DLG2: variants seen among roughly 807,000 people sequenced by gnomAD.
The protein encoded by DLG2 is disks large homolog 2.
Under a neutral mutation model 132.5 loss-of-function variants are expected in DLG2, and 45 were observed. The ratio of observed to expected loss-of-function variants is 0.34; its 90% CI spans 0.27 to 0.44. The LOEUF (loss-of-function observed/expected upper bound fraction) is 0.44, where lower values mean the gene tolerates loss of function less well. DLG2 is among the 20% of genes least tolerant of loss of function. DLG2 has a pLI of 1.00. For synonymous variants in DLG2, 424 were observed against 419.6 expected, an observed-to-expected ratio of 1.01 and a Z score of -0.13; for missense variants, 1,045 against 1,196.9, an observed-to-expected ratio of 0.87 and a Z score of 1.87.
intron 3 of DLG2, among the ~76,000 whole-genome samples, chr11:85,399,219 C>A (rs1474690300): frequency 6.6e-6 from 1 of 151,930 alleles, no homozygotes; most frequent in Non-Finnish European, 1.5e-5. Context: ...AATCCAACTT[C>A]CAGGGGATAT....
chr11:84,150,305 A>T (rs1316369998), intron 9 of DLG2, among the ~76,000 whole-genome samples: 2 of 151,932 alleles, frequency 1.3e-5, no homozygotes, highest in Non-Finnish European at 2.9e-5. Context: ...AGGTTTTTAA[A>T]TCTTTTTGTG....
At chr11:85,498,746 C>A (rs1483358026) in intron 3 of DLG2, among the ~76,000 whole-genome samples, 1 of 152,198 alleles carries the variant, frequency 6.6e-6, no homozygotes, top group African/African-American at 2.4e-5. Flanking sequence ...GACCACAGTG[C>A]AATCAAATTA....
At chr11:85,522,689 C>G (rs7127991) in intron 3 of DLG2, among the ~76,000 whole-genome samples, 1 of 152,008 alleles carries the variant, frequency 6.6e-6, no homozygotes, top group Admixed American at 6.5e-5. Context: ...AAGGAGATCA[C>G]TGTGGAACTT....
chr11:83,685,912 C>G (rs1019982895), intron 18 of DLG2, among the ~76,000 whole-genome samples: 8 of 152,086 alleles, frequency 5.3e-5, no homozygotes, highest in African/African-American at 1.9e-4. Flanking sequence ...TGGCCAAAAA[C>G]CTGGGAGTCA....
At chr11:83,551,885 T>C (rs952275548) in intron 19 of DLG2, among the ~76,000 whole-genome samples, 1 of 152,236 alleles carries the variant, frequency 6.6e-6, no homozygotes, top group African/African-American at 2.4e-5. Flanking sequence ...CTATAGTTTG[T>C]TGGGACTCAG....
chr11:85,255,213 TA>T (rs993688910), intron 4 of DLG2, among the ~76,000 whole-genome samples: 1 of 152,146 alleles, frequency 6.6e-6, no homozygotes, highest in Non-Finnish European at 1.5e-5. Flanking sequence ...GGCTTATAAT[TA>T]AAAGGATTCC....
At chr11:84,899,459 T>C (rs12284441) in intron 6 of DLG2, among the ~76,000 whole-genome samples, 24,412 of 152,036 alleles carry the variant, frequency 0.16, 2,508 homozygotes, top group African/African-American at 0.29. Context: ...TAGCAATTAC[T>C]GGGGCCCAAG....
At chr11:85,416,240 T>C (rs1261161742) in intron 3 of DLG2, among the ~76,000 whole-genome samples, 1 of 152,174 alleles carries the variant, frequency 6.6e-6, no homozygotes, top group Non-Finnish European at 1.5e-5. Context: ...TTGTCAAAGA[T>C]CAGATGGTTG....
At position 84,369,531 on chromosome 11, in the gene DLG2, G is replaced by C. The variant is rs111465235; in HGVS notation, c.520-118240C>G. Among the ~76,000 whole-genome samples, 365 of 152,114 alleles carry C rather than the reference G, an allele frequency of 2.4e-3. 2 individuals are homozygous for C. The highest frequency in any genetic ancestry group is 6.7e-3 in the African/African-American group (277 of 41,502). ...TCAATGTCATACAAAGCTTTTCTTG[G>C]GGGGAGATGGGGCGGGCAGACATAC... On this transcript the variant is annotated intron_variant, in intron 7 of 27. Transcript: ENST00000376104.
chr11:84,064,381 A>G (rs2096639590), intron 10 of DLG2, among the ~76,000 whole-genome samples: 1 of 152,170 alleles, frequency 6.6e-6, no homozygotes, highest in East Asian at 1.9e-4. Flanking sequence ...TTTATACTGG[A>G]CATATATCAC....
At chr11:85,386,302 G>T (rs1302661576) in intron 3 of DLG2, among the ~76,000 whole-genome samples, 1 of 152,040 alleles carries the variant, frequency 6.6e-6, no homozygotes, top group East Asian at 1.9e-4. Context: ...TATTATTATT[G>T]ATTCACTTTA....
chr11:85,611,775 A>C (rs1261246888), intron 2 of DLG2, among the ~76,000 whole-genome samples: 2 of 152,266 alleles, frequency 1.3e-5, no homozygotes, highest in African/African-American at 4.8e-5. Flanking sequence ...AACCCCCATT[A>C]AATACCACAA....
At chr11:84,796,253 AAAT>A (rs2074588970) in intron 6 of DLG2, among the ~76,000 whole-genome samples, 1 of 152,190 alleles carries the variant, frequency 6.6e-6, no homozygotes, top group African/African-American at 2.4e-5. Context: ...CAAAAATTAA[AAAT>A]AAATTTAAAA....
At chr11:84,194,160 C>T (rs2096467464) in intron 8 of DLG2, among the ~76,000 whole-genome samples, 1 of 152,194 alleles carries the variant, frequency 6.6e-6, no homozygotes, top group Admixed American at 6.5e-5. Context: ...TTCTCTTCCT[C>T]CTATACTCTA....
chr11:84,962,701 C>CA (rs886920397), intron 6 of DLG2, among the ~76,000 whole-genome samples: 4 of 152,116 alleles, frequency 2.6e-5, no homozygotes, highest in African/African-American at 9.7e-5. Context: ...ATTTCCTTTA[C>CA]AAAAATATCT....
intron 3 of DLG2, among the ~76,000 whole-genome samples, chr11:85,474,668 C>T (rs556366371): frequency 6.6e-6 from 1 of 151,932 alleles, no homozygotes; most frequent in South Asian, 2.1e-4. Flanking sequence ...TAAAATTGTT[C>T]TCTATCTATG....
intron 6 of DLG2, among the ~76,000 whole-genome samples, chr11:84,862,465 A>C (rs894475672): frequency 2.0e-5 from 3 of 152,118 alleles, no homozygotes; most frequent in African/African-American, 7.2e-5. Context: ...CAATCCCATT[A>C]CTGGGTATAT....
chr11:84,690,560 T>G (rs1370563718), intron 6 of DLG2, among the ~76,000 whole-genome samples: 1 of 151,934 alleles, frequency 6.6e-6, no homozygotes, highest in Non-Finnish European at 1.5e-5. Flanking sequence ...AAATTTTAAT[T>G]CCTTTTAAAG....
intron 6 of DLG2, among the ~76,000 whole-genome samples, chr11:84,891,560 A>G (rs1566286856): frequency 6.6e-6 from 1 of 152,134 alleles, no homozygotes; most frequent in Admixed American, 6.6e-5. Context: ...GATAACAGTA[A>G]TTTTTTCTTA....
Sources: gnomAD v4.1 joint callset for allele counts (sites outside exome capture counted in the v4.1 genomes callset) on GRCh38, gnomAD v4.1.1 for gene constraint, MANE v1.5 for transcripts, NCBI Gene and HGNC (gene_info 2026-07-23, HGNC 2026-07-21) for gene names.